CDH18: variants seen among roughly 807,000 people sequenced by gnomAD.
The protein encoded by CDH18 is cadherin 18.
Under a neutral mutation model 67.9 loss-of-function variants are expected in CDH18, and 31 were observed. The observed-to-expected ratio is 0.46, with a 90% CI of 0.34 to 0.62. The LOEUF (loss-of-function observed/expected upper bound fraction) is 0.62, where lower values mean the gene tolerates loss of function less well. CDH18 is among the 20% of genes least tolerant of loss of function. The pLI is 0.01. For synonymous variants in CDH18, 362 were observed against 347.2 expected, an observed-to-expected ratio of 1.04 and a Z score of -0.48; for missense variants, 890 against 975.5, an observed-to-expected ratio of 0.91 and a Z score of 1.17.
chr5:19,853,059 A>G (rs1193025598), intron 2 of CDH18, among the ~76,000 whole-genome samples: 1 of 152,152 alleles, frequency 6.6e-6, no homozygotes, highest in Non-Finnish European at 1.5e-5. Flanking sequence ...TAAAACTGTG[A>G]GAGGCATGTG....
In CDH18 at chr5:20,172,223, T is replaced by TATATATATATAC. The variant is rs1554098639; in HGVS notation, c.-518+83220_-518+83221insGTATATATATAT. On this transcript the variant is annotated intron_variant, in intron 2 of 14. Coordinates refer to the CDH18 transcript ENST00000507958. ...ATATATATATATATATATATATATA[T>TATATATATATAC]GTATATATATATATATGTATATATA... 4.4e-3 allele frequency among the ~76,000 whole-genome samples: 192 copies of TATATATATATAC among 43,822 alleles called. 6 individuals are homozygous for TATATATATATAC. The highest frequency in any genetic ancestry group is 5.2e-3 in the Non-Finnish European group (130 of 24,982). 28.7% of individuals were successfully genotyped at this position (43,822 alleles called of 152,430 possible).
intron 2 of CDH18, among the ~76,000 whole-genome samples, chr5:20,227,215 A>G (rs907139604): frequency 2.0e-5 from 3 of 152,076 alleles, no homozygotes; most frequent in African/African-American, 7.2e-5. Flanking sequence ...GATTTCTATT[A>G]TAATTGATAA....
At chr5:19,567,790 C>T (rs1282342013) in intron 8 of CDH18, among the ~76,000 whole-genome samples, 2 of 152,014 alleles carry the variant, frequency 1.3e-5, no homozygotes, top group African/African-American at 4.8e-5. Flanking sequence ...TTTCTGCTTC[C>T]CTTCTTAGCA....
intron 1 of CDH18, among the ~76,000 whole-genome samples, chr5:20,510,583 A>G (rs1262392173): frequency 6.6e-6 from 1 of 152,144 alleles, no homozygotes; most frequent in Non-Finnish European, 1.5e-5. Context: ...CACTTAAATT[A>G]TATCTTGAAA....
chr5:19,549,772 GAAA>G (rs1737051992), intron 8 of CDH18, among the ~76,000 whole-genome samples: 1 of 101,378 alleles, frequency 9.9e-6, no homozygotes, highest in East Asian at 3.1e-4. Context: ...GAAAAAGAAA[GAAA>G]GAAAGGAAGA....
chr5:19,991,971 T>C (rs1434765078), upstream of CDH18: 1 of 149,080 alleles, frequency 6.7e-6, no homozygotes, highest in African/African-American at 2.5e-5. Flanking sequence ...TGAGCTGAGA[T>C]TGCGCCACTG....
At chr5:19,718,622 TAA>T (rs1765628681) in intron 5 of CDH18, among the ~76,000 whole-genome samples, 2 of 152,074 alleles carry the variant, frequency 1.3e-5, no homozygotes, top group Admixed American at 1.3e-4. Context: ...GATAACTGTC[TAA>T]CTCTCTAAGA....
At chr5:20,344,753 G>T (rs1298464551) in intron 1 of CDH18, among the ~76,000 whole-genome samples, 2 of 152,040 alleles carry the variant, frequency 1.3e-5, no homozygotes, top group Admixed American at 6.6e-5. Flanking sequence ...CCCCTTCAAA[G>T]ACAGGTTTGA....
intron 2 of CDH18, among the ~76,000 whole-genome samples, chr5:19,911,941 T>A (rs552823492): frequency 6.6e-6 from 1 of 152,136 alleles, no homozygotes; most frequent in Admixed American, 6.6e-5. Context: ...TGGATGAGGA[T>A]AATTACACTT....
intron 9 of CDH18, among the ~76,000 whole-genome samples, chr5:19,539,584 T>C (rs1332992649): frequency 6.6e-6 from 1 of 152,198 alleles, no homozygotes; most frequent in Non-Finnish European, 1.5e-5. Context: ...TCAATGCCTT[T>C]GTATTAGTCT....
chr5:19,556,064 G>C (rs533487788), intron 8 of CDH18, among the ~76,000 whole-genome samples: 1 of 152,258 alleles, frequency 6.6e-6, no homozygotes, highest in East Asian at 1.9e-4. Context: ...CCCATCCCTA[G>C]AGGAAAGGGA....
At chr5:20,391,815 C>A (rs1412079079) in intron 1 of CDH18, among the ~76,000 whole-genome samples, 4 of 151,834 alleles carry the variant, frequency 2.6e-5, no homozygotes, top group Non-Finnish European at 5.9e-5. Context: ...CATAAATTAG[C>A]CATTTTTTAT....
intron 1 of CDH18, among the ~76,000 whole-genome samples, chr5:20,436,249 T>C (rs1024639243): frequency 6.6e-6 from 1 of 152,000 alleles, no homozygotes; most frequent in South Asian, 2.1e-4. Context: ...TTGTTGTTAA[T>C]TGGGTCCATT....
intron 10 of CDH18, among the ~76,000 whole-genome samples, chr5:19,514,169 C>G (rs138092384): frequency 6.6e-6 from 1 of 152,160 alleles, no homozygotes; most frequent in African/African-American, 2.4e-5. Flanking sequence ...CTACAAAGGA[C>G]GGGAACTCAT....
chr5:20,017,935 T>C (rs538226972), intron 2 of CDH18, among the ~76,000 whole-genome samples: 4 of 152,308 alleles, frequency 2.6e-5, no homozygotes, highest in Non-Finnish European at 5.9e-5. Context: ...ATGAGTTCCA[T>C]ATTCTCAATA....
At chr5:19,829,116 G>C (rs965889389) in intron 3 of CDH18, among the ~76,000 whole-genome samples, 1 of 152,186 alleles carries the variant, frequency 6.6e-6, no homozygotes, top group South Asian at 2.1e-4. Context: ...TACTGAATGA[G>C]CAAAAGCTGG....
chr5:19,698,222 G>C (rs1160348967), intron 5 of CDH18, among the ~76,000 whole-genome samples: 2 of 152,044 alleles, frequency 1.3e-5, no homozygotes, highest in Non-Finnish European at 2.9e-5. Context: ...GTTCTCCCCT[G>C]ATTTTAAGAT....
intron 1 of CDH18, among the ~76,000 whole-genome samples, chr5:20,308,562 G>A (rs1015213286): frequency 6.6e-6 from 1 of 151,474 alleles, no homozygotes; most frequent in Admixed American, 6.6e-5. Flanking sequence ...AAAATTCTGT[G>A]TGAAAACAAA....
intron 11 of CDH18, among the ~76,000 whole-genome samples, chr5:19,485,408 A>G (rs986918005): frequency 1.3e-5 from 2 of 152,066 alleles, no homozygotes; most frequent in African/African-American, 4.8e-5. Flanking sequence ...GGCGCCTGCC[A>G]ACATGCCTGG....
Sources: gnomAD v4.1 joint callset for allele counts (sites outside exome capture counted in the v4.1 genomes callset) on GRCh38, gnomAD v4.1.1 for gene constraint, MANE v1.5 for transcripts, NCBI Gene and HGNC (gene_info 2026-07-23, HGNC 2026-07-21) for gene names.